Variants in MAP3K5 observed in about 807,000 individuals in gnomAD.
MAP3K5 encodes the protein mitogen-activated protein kinase kinase kinase 5.
In MAP3K5, 56 loss-of-function variants were observed where a neutral mutation model predicts 158.7. The ratio of observed to expected loss-of-function variants is 0.35; its 90% CI spans 0.28 to 0.44. The LOEUF (loss-of-function observed/expected upper bound fraction) is 0.44, where lower values mean the gene tolerates loss of function less well. Ranked by LOEUF, MAP3K5 falls within the 20% of genes least tolerant of loss-of-function variation. The probability of loss-of-function intolerance (pLI) is 1.00; values close to 1 mark genes in which losing one functional copy is unlikely to be tolerated. For missense variants in MAP3K5, 1,294 were observed against 1,674.8 expected (o/e 0.77, Z 3.97); for synonymous variants, 579 against 601.7 (o/e 0.96, Z 0.55).
intron 1 of MAP3K5, among the ~76,000 whole-genome samples, chr6:136,751,021 T>C (rs1441556194): frequency 6.6e-6 from 1 of 152,206 alleles, no homozygotes; most frequent in Non-Finnish European, 1.5e-5. Context: ...TCATGACTTA[T>C]AACCCCAGTG....
At chr6:136,624,488 T>C (rs6570085) in intron 14 of MAP3K5, among the ~76,000 whole-genome samples, 3,952 of 152,290 alleles carry the variant, frequency 0.026, 165 homozygotes, top group East Asian at 0.15. Flanking sequence ...GAGCTCTGTA[T>C]CCAGATACAG....
intron 7 of MAP3K5, among the ~76,000 whole-genome samples, chr6:136,688,809 T>C (rs552832203): frequency 6.6e-6 from 1 of 152,338 alleles, no homozygotes; most frequent in South Asian, 2.1e-4. Flanking sequence ...CTTAATTCAT[T>C]CACCTTGAAA....
chr6:136,576,130 A>G (rs1774605797), intron 25 of MAP3K5, among the ~76,000 whole-genome samples: 1 of 152,178 alleles, frequency 6.6e-6, no homozygotes, highest in Non-Finnish European at 1.5e-5. Flanking sequence ...TTATATTAAT[A>G]TGGACTCACG....
At chr6:136,607,115 G>C (rs986266632) in intron 18 of MAP3K5, among the ~76,000 whole-genome samples, 1 of 152,084 alleles carries the variant, frequency 6.6e-6, no homozygotes, top group Non-Finnish European at 1.5e-5. Flanking sequence ...CTCTTCATTT[G>C]TAGCTTTTCC....
intron 23 of MAP3K5, among the ~76,000 whole-genome samples, chr6:136,585,433 C>A (rs1775081591): frequency 6.7e-6 from 1 of 150,356 alleles, no homozygotes; most frequent in South Asian, 2.1e-4. Context: ...TGGAACTTTT[C>A]TCCTTTGAGC....
At chr6:136,757,153 G>C (rs1783527529) in intron 1 of MAP3K5, among the ~76,000 whole-genome samples, 1 of 152,194 alleles carries the variant, frequency 6.6e-6, no homozygotes, top group Non-Finnish European at 1.5e-5. Flanking sequence ...TGGCTCACCA[G>C]AGTTTTATGC....
intron 18 of MAP3K5, 151 bp downstream of exon 18, chr6:136,611,131 A>AG (rs1776321713): frequency 1.1e-5 from 5 of 467,812 alleles, no homozygotes; most frequent in African/African-American, 6.1e-5. Flanking sequence ...AAAAAAAAAA[A>AG]AAAGAAAGAA....
At chr6:136,585,212 T>C (rs1038908710) in intron 23 of MAP3K5, among the ~76,000 whole-genome samples, 7 of 149,044 alleles carry the variant, frequency 4.7e-5, no homozygotes, top group African/African-American at 1.5e-4. Flanking sequence ...TCCTGGGTTC[T>C]AGCTCTCTTC....
chr6:136,611,107 C>CAAAAAAAAAAAAAAAAAAA (rs59508317), intron 18 of MAP3K5, among the ~76,000 whole-genome samples, 175 bp downstream of exon 18: 37 of 24,424 alleles, frequency 1.5e-3, no homozygotes, highest in South Asian at 2.8e-3. Flanking sequence ...GACCCTGTCT[C>CAAAAAAAAAAAAAAAAAAA]AAAAAAAAAA....
intron 1 of MAP3K5, among the ~76,000 whole-genome samples, chr6:136,738,922 A>T (rs1451246700): frequency 4.2e-5 from 6 of 142,114 alleles, no homozygotes; most frequent in Admixed American, 4.2e-4. Flanking sequence ...TACAAAAGTC[A>T]TCCAAACACA....
chr6:136,765,414 C>T (rs1707904637), intron 1 of MAP3K5, among the ~76,000 whole-genome samples: 2 of 152,194 alleles, frequency 1.3e-5, no homozygotes, highest in Admixed American at 6.5e-5. Flanking sequence ...CTCCCACCTC[C>T]ACCTCCTGAG....
intron 3 of MAP3K5, among the ~76,000 whole-genome samples, chr6:136,702,179 C>CT (rs938847797): frequency 7.7e-4 from 113 of 146,376 alleles, no homozygotes; most frequent in Middle Eastern, 3.4e-3. Flanking sequence ...CTAAGGCAAT[C>CT]TTTTTTTTTT....
chr6:136,639,182 C>A (rs771815092), intron 13 of MAP3K5, among the ~76,000 whole-genome samples: 2 of 151,968 alleles, frequency 1.3e-5, no homozygotes, highest in Non-Finnish European at 2.9e-5. Context: ...TAAAGAGGTA[C>A]TATTGTAGAT....
chr6:136,622,746 T>C lies in MAP3K5; in HGVS notation c.2150+102A>G, dbSNP rs117100599. ...AAGGAGCTAATTCACAGAGTGAAGT[T>C]TTCACAGTTTCATTCATTAGAATAT... On this transcript the variant is annotated intron_variant, in intron 15 of 29. Coordinates refer to ENST00000359015, the MANE Select transcript of MAP3K5 (RefSeq NM_005923.4). 3.0e-3 allele frequency: 3,852 copies of C among 1,288,080 alleles called. 87 individuals are homozygous for C. The East Asian group carries it at 0.054, about 18-fold the overall frequency. 79.8% of individuals were successfully genotyped at this position (1,288,080 alleles called of 1,614,324 possible).
intron 1 of MAP3K5, among the ~76,000 whole-genome samples, chr6:136,731,949 G>A (rs1782243873): frequency 6.6e-6 from 1 of 152,136 alleles, no homozygotes; most frequent in African/African-American, 2.4e-5. Flanking sequence ...AACATTATTA[G>A]AACAAGTGGA....
intron 7 of MAP3K5, among the ~76,000 whole-genome samples, chr6:136,693,849 G>A (rs968013153): frequency 2.5e-4 from 38 of 152,046 alleles, no homozygotes; most frequent in Non-Finnish European, 4.6e-4. Flanking sequence ...ATTAGTGGGC[G>A]TGGTGGCGGG....
chr6:136,597,594 T>C (rs956661693), intron 21 of MAP3K5, among the ~76,000 whole-genome samples: 1 of 152,212 alleles, frequency 6.6e-6, no homozygotes, highest in African/African-American at 2.4e-5. Context: ...AAGTACAGAA[T>C]TCCAGCTTGC....
chr6:136,685,507 G>A (rs1175572309), intron 7 of MAP3K5, among the ~76,000 whole-genome samples: 2 of 152,044 alleles, frequency 1.3e-5, no homozygotes, highest in African/African-American at 4.8e-5. Context: ...TCCACTGTGG[G>A]TCAGGAACAT....
intron 14 of MAP3K5, chr6:136,629,033 G>A (rs1777181423): frequency 6.6e-6 from 1 of 152,222 alleles, no homozygotes; most frequent in African/African-American, 2.4e-5. Context: ...TAGCAAATCA[G>A]GTTGTTGCTA....
Sources: allele counts gnomAD v4.1 joint callset (sites outside exome capture counted in the v4.1 genomes callset), GRCh38; gene constraint gnomAD v4.1.1; transcripts MANE v1.5; gene names NCBI Gene and HGNC (gene_info 2026-07-23, HGNC 2026-07-21).